FAM81A: variants seen among roughly 807,000 people sequenced by gnomAD.
FAM81A encodes protein FAM81A.
Under a neutral mutation model 46.7 loss-of-function variants are expected in FAM81A, and 19 were observed. The ratio of observed to expected loss-of-function variants is 0.41; its 90% CI spans 0.28 to 0.60. The LOEUF is 0.60. Ranked by LOEUF, FAM81A falls within the 20% of genes least tolerant of loss-of-function variation. The probability of loss-of-function intolerance (pLI) is 0.34; values close to 1 mark genes in which losing one functional copy is unlikely to be tolerated. For missense variants in FAM81A, 377 were observed against 453.5 expected (o/e 0.83, Z 1.53); for synonymous variants, 183 against 152.9 (o/e 1.20, Z -1.45).
At chr15:59,484,651 G>A (rs2081895050) in intron 3 of FAM81A, among the ~76,000 whole-genome samples, 1 of 152,234 alleles carries the variant, frequency 6.6e-6, no homozygotes, top group African/African-American at 2.4e-5. Flanking sequence ...CCTTGGGTAA[G>A]ACTCAGACAT....
At chr15:59,444,847 C>T (rs1195789565) in intron 1 of FAM81A, among the ~76,000 whole-genome samples, 1 of 152,124 alleles carries the variant, frequency 6.6e-6, no homozygotes, top group African/African-American at 2.4e-5. Context: ...AAAGAGAAAA[C>T]CCAATTGCTT....
In FAM81A at chr15:59,509,095, GAA is replaced by G. The variant is rs1433398185; in HGVS notation, c.650+129_650+130del. On this transcript the variant is annotated intron_variant, in intron 6 of 8. Coordinates refer to ENST00000288228, the MANE Select transcript of FAM81A (RefSeq NM_152450.3). ...TGAAAACAATAATGGAAGTTAAAAA[GAA>G]AAGTTTCCTTGTATCATGTTGCCAC... 2.1e-5 allele frequency: 15 copies of G among 731,590 alleles called. No individual in the cohort carries two copies. In the African/African-American group the frequency reaches 2.7e-4, roughly 13 times the overall value. The allele number at this position is 731,590 out of a possible 1,614,324, so 45.3% of individuals were successfully genotyped here.
At chr15:59,454,723 T>C (rs1380953027) in intron 1 of FAM81A, among the ~76,000 whole-genome samples, 5 of 152,166 alleles carry the variant, frequency 3.3e-5, no homozygotes, top group South Asian at 4.1e-4. Flanking sequence ...CCTCCCAGGC[T>C]CAGGTGATTT....
At chr15:59,406,413 G>T (rs2081095082) in intron 2 of FAM81A, among the ~76,000 whole-genome samples, 2 of 152,144 alleles carry the variant, frequency 1.3e-5, no homozygotes, top group South Asian at 4.1e-4. Context: ...AGTGGAGTCA[G>T]GATCCTAAAG....
chr15:59,503,263 A>G (rs1469006319), intron 4 of FAM81A, among the ~76,000 whole-genome samples: 3 of 148,678 alleles, frequency 2.0e-5, no homozygotes, highest in African/African-American at 7.4e-5. Context: ...AAAAAGCCTT[A>G]CCACCTCTTG....
At chr15:59,447,658 G>C (rs77239214) in intron 1 of FAM81A, among the ~76,000 whole-genome samples, 5,756 of 152,290 alleles carry the variant, frequency 0.038, 135 homozygotes, top group South Asian at 0.051. Context: ...AATTAGGCAT[G>C]CTGACCTCAG....
At chr15:59,517,945 A>G (rs115070803) in intron 8 of FAM81A, among the ~76,000 whole-genome samples, 1,593 of 152,088 alleles carry the variant, frequency 0.01, 22 homozygotes, top group African/African-American at 0.033. Context: ...TTTCTTTATT[A>G]CAAAGACAAT....
chr15:59,469,437 T>G (rs1264833435), intron 3 of FAM81A, among the ~76,000 whole-genome samples: 2 of 152,234 alleles, frequency 1.3e-5, no homozygotes, highest in Non-Finnish European at 2.9e-5. Context: ...GCTCTTCTTG[T>G]TGAATTGATC....
chr15:59,501,188 C>T (rs150593318), intron 4 of FAM81A, among the ~76,000 whole-genome samples: 2 of 152,200 alleles, frequency 1.3e-5, no homozygotes, highest in Non-Finnish European at 1.5e-5. Context: ...TCTGTTTATC[C>T]TGTAATATGA....
At chr15:59,481,945 T>C (rs2081857595) in intron 3 of FAM81A, among the ~76,000 whole-genome samples, 1 of 151,952 alleles carries the variant, frequency 6.6e-6, no homozygotes, top group Admixed American at 6.6e-5. Context: ...GTGAAAATGC[T>C]ATTTTTGAGG....
chr15:59,519,189 T>C (rs181233722), intron 8 of FAM81A, among the ~76,000 whole-genome samples: 115 of 152,132 alleles, frequency 7.6e-4, no homozygotes, highest in African/African-American at 2.7e-3. Flanking sequence ...TTGACTTTCT[T>C]TCTTTTCTTT....
chr15:59,449,760 C>T (rs1462252495), intron 1 of FAM81A, among the ~76,000 whole-genome samples: 6 of 106,226 alleles, frequency 5.6e-5, no homozygotes, highest in East Asian at 3.3e-4. Flanking sequence ...CCAGCCTGGG[C>T]GACAGAGCGA....
At chr15:59,480,456 C>CCCTATT (rs572651048) in intron 3 of FAM81A, among the ~76,000 whole-genome samples, 108 of 152,240 alleles carry the variant, frequency 7.1e-4, no homozygotes, top group Non-Finnish European at 1.3e-3. Context: ...CCACAGAAGT[C>CCCTATT]CCTATTCCAA....
At position 59,522,082 on chromosome 15, in the gene FAM81A, A is replaced by G. The variant is rs1464959011; in HGVS notation, c.*704A>G. On this transcript the variant is annotated 3_prime_UTR_variant, in exon 9 of 9. Transcript: ENST00000288228. ...TAGATATTACAGGTTTTAATATTTAAAACTATTTTTGAATTATCCACAACC... is the reference window on the plus strand; with the variant it reads ...TAGATATTACAGGTTTTAATATTTAGAACTATTTTTGAATTATCCACAACC... The G allele has an allele frequency of 1.3e-5, 2 of 152,638 alleles. No homozygotes were observed. The highest frequency in any genetic ancestry group is 2.9e-5 in the Non-Finnish European group (2 of 68,032). 9.5% of individuals were successfully genotyped at this position (152,638 alleles called of 1,614,324 possible).
At chr15:59,456,864 C>G (rs1019442133) in intron 1 of FAM81A, among the ~76,000 whole-genome samples, 1 of 152,206 alleles carries the variant, frequency 6.6e-6, no homozygotes, top group Non-Finnish European at 1.5e-5. Flanking sequence ...GCTGGGATTA[C>G]AGGCATGAGC....
chr15:59,411,521 C>G (rs1370116073), intron 2 of FAM81A, among the ~76,000 whole-genome samples: 1 of 152,146 alleles, frequency 6.6e-6, no homozygotes, highest in African/African-American at 2.4e-5. Context: ...ACAGCTGCAC[C>G]CACTTCTCCT....
At chr15:59,515,496 A>G (rs2082257280) in intron 7 of FAM81A, among the ~76,000 whole-genome samples, 2 of 152,188 alleles carry the variant, frequency 1.3e-5, no homozygotes, top group South Asian at 2.1e-4. Context: ...AGCACCATCA[A>G]GAGAGGAGTA....
chr15:59,500,196 A>G (rs1431303987), intron 4 of FAM81A, among the ~76,000 whole-genome samples: 1 of 151,830 alleles, frequency 6.6e-6, no homozygotes, highest in Non-Finnish European at 1.5e-5. Context: ...CCCTACTTGG[A>G]GTTTGTTGAA....
Position 59,522,858 on chromosome 15 carries a change from A to G in FAM81A, c.*1480A>G, listed in dbSNP as rs1317435444. On this transcript the variant is annotated 3_prime_UTR_variant, in exon 9 of 9. Transcript: ENST00000288228. ...TGCTAAAGTACATATTTTGCTGTCA[A>G]TGGCTTGACAATTTTTTTTTTCAAA... The G allele has an allele frequency of 6.6e-6, 1 of 152,624 alleles. No individual in the cohort carries two copies. The highest frequency in any genetic ancestry group is 2.4e-5 in the African/African-American group (1 of 41,444). 9.5% of individuals were successfully genotyped at this position (152,624 alleles called of 1,614,324 possible).
Sources: gnomAD v4.1 joint callset for allele counts (sites outside exome capture counted in the v4.1 genomes callset) on GRCh38, gnomAD v4.1.1 for gene constraint, MANE v1.5 for transcripts, NCBI Gene and HGNC (gene_info 2026-07-23, HGNC 2026-07-21) for gene names.